The following SOBP variants were observed in gnomAD, a reference collection of about 807,000 sequenced individuals.
SOBP encodes the protein sine oculis binding protein homolog.
A neutral mutation model predicts 53.6 loss-of-function variants in SOBP; 4 were observed. The ratio of observed to expected loss-of-function variants is 0.07; its 90% CI spans 0.04 to 0.17. The LOEUF (loss-of-function observed/expected upper bound fraction) is 0.17. Ranked by LOEUF, SOBP falls within the 10% of genes least tolerant of loss-of-function variation. The pLI is 1.00. For missense variants in SOBP, 1,088 were observed against 1,204.7 expected (o/e 0.90, Z 1.43); for synonymous variants, 584 against 522.6 (o/e 1.12, Z -1.60).
chr6:107,621,540 A>G (rs143615811), intron 5 of SOBP, among the ~76,000 whole-genome samples: 73 of 152,324 alleles, frequency 4.8e-4, no homozygotes, highest in African/African-American at 1.6e-3. Flanking sequence ...AATTGCCACT[A>G]AGCAGTCACT....
intron 4 of SOBP, among the ~76,000 whole-genome samples, chr6:107,571,627 T>C (rs1444450831): frequency 6.6e-6 from 1 of 152,208 alleles, no homozygotes; most frequent in Non-Finnish European, 1.5e-5. Flanking sequence ...CTGTCAGCCA[T>C]ATGACGGGGA....
intron 3 of SOBP, among the ~76,000 whole-genome samples, chr6:107,522,937 G>A (rs1334966448): frequency 6.6e-6 from 1 of 152,090 alleles, no homozygotes; most frequent in African/African-American, 2.4e-5. Flanking sequence ...GAAAGATGCT[G>A]GGTTTCTGCC....
chr6:107,533,622 G>A lies in SOBP; in HGVS notation c.573+12G>A, dbSNP rs199899915. The A allele has an allele frequency of 5.6e-4, 911 of 1,613,848 alleles. 1 individual carries two copies. Among genetic ancestry groups the A allele is most frequent in the Admixed American group, 2.4e-3 (145 of 59,996 alleles). Reference sequence around the variant, plus strand: ...TCAAGAGAAATAAGGTAAGAGCACCGGAGAGAGAGGCGGCCCCCCACAGGC... The same window carrying A: ...TCAAGAGAAATAAGGTAAGAGCACCAGAGAGAGAGGCGGCCCCCCACAGGC... On this transcript the variant is annotated intron_variant, in intron 4 of 6. Coordinates refer to ENST00000317357, the MANE Select transcript of SOBP (RefSeq NM_018013.4).
chr6:107,648,841 G>A (rs1771674173), intron 6 of SOBP, among the ~76,000 whole-genome samples: 1 of 152,098 alleles, frequency 6.6e-6, no homozygotes. Context: ...ATTGCTGTTT[G>A]CTTCCAAGTG....
chr6:107,598,090 G>A (rs1786013585), intron 5 of SOBP, among the ~76,000 whole-genome samples: 1 of 152,156 alleles, frequency 6.6e-6, no homozygotes, highest in Admixed American at 6.5e-5. Context: ...TAAAAGTCAT[G>A]TGTTGCAGTG....
Position 107,635,593 on chromosome 6 carries a change from G to T in SOBP, c.*3+124G>T. On this transcript the variant is annotated intron_variant, in intron 6 of 6. Transcript: ENST00000317357. This position sits in a 1 kb window ranked among gnomAD's most constrained non-coding sequence, Gnocchi z 4.5. ...ACCGTGTGTGTTTTATATTGCACAC[G>T]GTGTGGTCACGCTATCAACATTCTG... is the stretch of plus-strand genomic sequence containing the variant. The T allele has an allele frequency of 1.5e-6, 2 of 1,328,476 alleles. No individual in the cohort carries two copies. The highest frequency in any genetic ancestry group is 2.1e-6 in the Non-Finnish European group (2 of 948,570). 82.3% of individuals were successfully genotyped at this position (1,328,476 alleles called of 1,614,324 possible).
intron 4 of SOBP, among the ~76,000 whole-genome samples, chr6:107,552,768 C>T (rs1784495299): frequency 3.3e-5 from 5 of 152,078 alleles, no homozygotes; most frequent in Admixed American, 3.3e-4. Context: ...ATTTTAAAGT[C>T]AGCCACTGAT....
rs990257223 is a variant in SOBP, at chr6:107,587,724, A to G, written c.669+549A>G. 6.6e-5 allele frequency among the ~76,000 whole-genome samples: 10 copies of G among 152,170 alleles called. 1 individual carries two copies. The highest frequency in any genetic ancestry group is 2.2e-4 in the African/African-American group (9 of 41,446). ...GGGATGTTTACAAGTCGTGAGAGGGAGGATATCAGCTGTGACATTGAGACT... is the reference window on the plus strand; with the variant it reads ...GGGATGTTTACAAGTCGTGAGAGGGGGGATATCAGCTGTGACATTGAGACT... On this transcript the variant is annotated intron_variant, in intron 5 of 6. Transcript: ENST00000317357.
chr6:107,582,377 T>C (rs894882068), intron 4 of SOBP, among the ~76,000 whole-genome samples: 4 of 152,164 alleles, frequency 2.6e-5, no homozygotes, highest in Non-Finnish European at 5.9e-5. Context: ...GAGAGGTGAA[T>C]ACAAAGTTTG....
intron 2 of SOBP, among the ~76,000 whole-genome samples, chr6:107,504,873 TG>T (rs1286791374): frequency 3.3e-5 from 5 of 152,220 alleles, no homozygotes; most frequent in African/African-American, 1.2e-4. Context: ...ATGCAAGTCA[TG>T]AGTTTGTATT....
chr6:107,625,714 G>T (rs1562109177), intron 5 of SOBP, among the ~76,000 whole-genome samples: 1 of 152,168 alleles, frequency 6.6e-6, no homozygotes, highest in African/African-American at 2.4e-5. Context: ...GGGTTGGGGG[G>T]ACTGCTCCAG....
intron 2 of SOBP, among the ~76,000 whole-genome samples, chr6:107,505,998 C>A (rs1321527720): frequency 6.6e-6 from 1 of 152,152 alleles, no homozygotes; most frequent in African/African-American, 2.4e-5. Context: ...AAATTTATCA[C>A]CATGATTCAA....
chr6:107,582,335 G>A (rs1455345167), intron 4 of SOBP, among the ~76,000 whole-genome samples: 1 of 152,176 alleles, frequency 6.6e-6, no homozygotes, highest in African/African-American at 2.4e-5. Flanking sequence ...ATCAAAATAA[G>A]AGAAGTGAAT....
In SOBP at chr6:107,633,977, T is replaced by C. The variant is rs1361870899; in HGVS notation, c.1133T>C (p.Val378Ala). 8.1e-6 allele frequency: 13 copies of C among 1,614,092 alleles called. No individual in the cohort carries two copies. The highest frequency in any genetic ancestry group is 1.1e-5 in the Non-Finnish European group (13 of 1,180,008). ...PPASIGPPLGVPPRSPPMVMT... is the reference protein window; with the variant it reads ...PPASIGPPLGAPPRSPPMVMT... ...GCTAGCATCGGGCCTCCCCTTGGCG[T>C]CCCGCCTCGGAGCCCTCCCATGGTG... is the stretch of plus-strand genomic sequence containing the variant. Residue 378 changes from valine (V) to alanine (A), a missense_variant, in exon 6 of 7, where the codon GTC becomes GCC. Physicochemically the swap from Val to Ala is moderately conservative, Grantham distance 64. Transcript: ENST00000317357.
chr6:107,642,124 C>T (rs947081876), intron 6 of SOBP, among the ~76,000 whole-genome samples: 12 of 152,204 alleles, frequency 7.9e-5, no homozygotes, highest in African/African-American at 2.7e-4. Flanking sequence ...AACAATTTAG[C>T]ACTGGCATCG....
At position 107,660,423 on chromosome 6, in the gene SOBP, T is replaced by C. The variant is rs1274065587; in HGVS notation, c.*2220T>C. On this transcript the variant is annotated 3_prime_UTR_variant, in exon 7 of 7. Transcript: ENST00000317357. ...CAGCACACAGTGCATGGGAAGTGAG[T>C]GTTTAGGCTGTAGACCCAGGTGTGG... Among the ~76,000 whole-genome samples, 2 of 152,004 alleles carry C rather than the reference T, an allele frequency of 1.3e-5. No individual in the cohort carries two copies. Among genetic ancestry groups the C allele is most frequent in the East Asian group, 3.9e-4 (2 of 5,190 alleles).
intron 4 of SOBP, among the ~76,000 whole-genome samples, chr6:107,569,750 T>G (rs1187942857): frequency 6.6e-6 from 1 of 152,218 alleles, no homozygotes; most frequent in Admixed American, 6.5e-5. Flanking sequence ...AGTAGTGTGC[T>G]TTTCACTCGA....
intron 4 of SOBP, among the ~76,000 whole-genome samples, chr6:107,553,298 T>TTTTATTTATTTATTTA (rs750735550): frequency 4.5e-4 from 63 of 139,430 alleles, no homozygotes; most frequent in East Asian, 1.7e-3. Flanking sequence ...CTTATTATTA[T>TTTTATTTATTTATTTA]TTTATTTATT....
chr6:107,581,643 A>T (rs550455748), intron 4 of SOBP, among the ~76,000 whole-genome samples: 1 of 152,334 alleles, frequency 6.6e-6, no homozygotes, highest in South Asian at 2.1e-4. Flanking sequence ...TCCTCAAGAG[A>T]ACGTGTGGAT....
Sources: allele counts gnomAD v4.1 joint callset (sites outside exome capture counted in the v4.1 genomes callset), GRCh38; gene constraint gnomAD v4.1.1; non-coding constraint Gnocchi (gnomAD v3.1); transcripts MANE v1.5; gene names NCBI Gene and HGNC (gene_info 2026-07-23, HGNC 2026-07-21).